CFAP251: variants seen among roughly 807,000 people sequenced by gnomAD.
CFAP251 encodes cilia- and flagella-associated protein 251.
A neutral mutation model predicts 126.7 loss-of-function variants in CFAP251; 93 were observed. The observed-to-expected ratio is 0.73, with a 90% CI of 0.62 to 0.87. The LOEUF (loss-of-function observed/expected upper bound fraction) is 0.87. Ranked by LOEUF, CFAP251 falls within the 40% of genes least tolerant of loss-of-function variation. The pLI is 0.00. For synonymous variants in CFAP251, 503 were observed against 506.9 expected, an observed-to-expected ratio of 0.99 and a Z score of 0.10; for missense variants, 1,287 against 1,389.2, an observed-to-expected ratio of 0.93 and a Z score of 1.17.
chr12:121,968,786 T>A (rs1043263484), intron 17 of CFAP251: 2 of 529,666 alleles, frequency 3.8e-6, no homozygotes, highest in African/African-American at 4.1e-5. Context: ...TTCTGTAGGA[T>A]CCCTGTAAAG....
At chr12:121,982,719 G>C (rs1440072128) in intron 19 of CFAP251, among the ~76,000 whole-genome samples, 1 of 152,114 alleles carries the variant, frequency 6.6e-6, no homozygotes, top group Non-Finnish European at 1.5e-5. Flanking sequence ...TGCTTTGTTG[G>C]TGAGGTGTTT....
In CFAP251 at chr12:122,003,665, C is replaced by T; in HGVS notation, c.3351C>T (p.Cys1117=). Residue 1117 remains cysteine (C), a synonymous_variant, in exon 22 of 22, where the codon TGC becomes TGT. Coordinates refer to ENST00000288912, the MANE Select transcript of CFAP251 (RefSeq NM_144668.6). The part of the protein sequence containing the change: ...ATCSVKGSEI[C]LEEELPDEIT... ...TGTTTTGGCTAGGTTCAGAAATTTG[C>T]CTTGAAGAAGAACTTCCAGACGAAA... 1 of 1,608,602 alleles carries T rather than the reference C, an allele frequency of 6.2e-7. No individual in the cohort carries two copies. Among genetic ancestry groups the T allele is most frequent in the Non-Finnish European group, 8.5e-7 (1 of 1,178,404 alleles).
At chr12:122,001,405 C>T in intron 20 of CFAP251, 92 bp from the exon 21 acceptor site, 1 of 1,170,692 alleles carries the variant, frequency 8.5e-7, no homozygotes, top group Non-Finnish European at 1.3e-6. Flanking sequence ...TGGGATAATT[C>T]TCTTTAAGAC....
At chr12:121,970,159 A>C (rs1333864957) in intron 17 of CFAP251, among the ~76,000 whole-genome samples, 1 of 152,028 alleles carries the variant, frequency 6.6e-6, no homozygotes, top group Non-Finnish European at 1.5e-5. Context: ...TGCTACCATC[A>C]CAGTCTATGG....
At chr12:121,978,349 G>A (rs1197764022) in intron 19 of CFAP251, among the ~76,000 whole-genome samples, 3 of 121,152 alleles carry the variant, frequency 2.5e-5, no homozygotes, top group Non-Finnish European at 4.8e-5. Flanking sequence ...AGCCGAGATC[G>A]TGCCACTGCA....
chr12:121,960,294 G>A (rs1033041790), intron 13 of CFAP251, among the ~76,000 whole-genome samples: 1 of 151,550 alleles, frequency 6.6e-6, no homozygotes, highest in Non-Finnish European at 1.5e-5. Context: ...ATCTTGGCTC[G>A]CTGCAACCTC....
At chr12:121,934,565 A>G (rs1225317331) in intron 5 of CFAP251, among the ~76,000 whole-genome samples, 2 of 152,234 alleles carry the variant, frequency 1.3e-5, no homozygotes, top group Non-Finnish European at 2.9e-5. Context: ...ACAATGAGAA[A>G]CATTACTTCT....
Position 121,991,632 on chromosome 12 carries a change from C to G in CFAP251, c.3007-8084C>G, listed in dbSNP as rs554808706. On this transcript the variant is annotated intron_variant, in intron 19 of 21. Transcript: ENST00000288912. The stretch of plus-strand genomic sequence containing the variant: ...GCCTTTGCCTTCCAGCCATGTTTCT[C>G]AAGCTTGGCTACGCATTCAAATCAT... Among the ~76,000 whole-genome samples, 55 of 152,278 alleles carry G rather than the reference C, an allele frequency of 3.6e-4. No homozygotes were observed. The Middle Eastern group carries it at 0.014, about 38-fold the overall frequency.
chr12:121,966,838 C>T (rs1242939452), intron 15 of CFAP251, 117 bp from the exon 16 acceptor site: 1 of 824,560 alleles, frequency 1.2e-6, no homozygotes, highest in East Asian at 2.5e-5. Flanking sequence ...CCTGCCTTGG[C>T]CTCCCGAAGT....
intron 1 of CFAP251, among the ~76,000 whole-genome samples, chr12:121,920,465 C>T (rs1474298227): frequency 4.0e-5 from 6 of 149,402 alleles, no homozygotes; most frequent in African/African-American, 9.9e-5. Flanking sequence ...GGCACGATCT[C>T]GGCTCACTGC....
chr12:121,941,135 A>G (rs949319420), intron 5 of CFAP251, among the ~76,000 whole-genome samples: 1 of 151,538 alleles, frequency 6.6e-6, no homozygotes, highest in Non-Finnish European at 1.5e-5. Flanking sequence ...GGTTCAAGTG[A>G]TTCTCCTACC....
chr12:121,945,919 G>C (rs926076189), intron 7 of CFAP251, among the ~76,000 whole-genome samples: 2 of 151,800 alleles, frequency 1.3e-5, no homozygotes, highest in African/African-American at 4.8e-5. Context: ...GTCTGCCTTG[G>C]CCTCCCAAAG....
At chr12:121,966,027 A>G (rs1177589) in intron 15 of CFAP251, among the ~76,000 whole-genome samples, 99,226 of 151,506 alleles carry the variant, frequency 0.65, 35,779 homozygotes, top group Non-Finnish European at 0.82. Context: ...ACCCCAAGCA[A>G]TCCTCCCACC....
intron 19 of CFAP251, among the ~76,000 whole-genome samples, chr12:121,976,903 G>A (rs1412975559): frequency 6.6e-6 from 1 of 152,100 alleles, no homozygotes; most frequent in Non-Finnish European, 1.5e-5. Context: ...GCGAGACCCT[G>A]TCTCAAAAAA....
At chr12:121,960,832 A>G (rs916541402) in intron 14 of CFAP251, 74 bp downstream of exon 14, 4 of 1,530,908 alleles carry the variant, frequency 2.6e-6, no homozygotes, top group Non-Finnish European at 2.7e-6. Flanking sequence ...GGCATCTTGC[A>G]TAGAGCCAGG....
rs773405076 is a variant in CFAP251, at chr12:121,968,113, C to T, written c.2715C>T (p.Tyr905=). 117 of 1,613,436 alleles carry T rather than the reference C, an allele frequency of 7.3e-5. No individual in the cohort carries two copies. The highest frequency in any genetic ancestry group is 1.0e-4 in the Admixed American group (6 of 59,990). The change falls in exon 17 of 22, where the codon TAC becomes TAT. Residue 905 remains tyrosine (Y), a synonymous_variant. Coordinates refer to ENST00000288912, the MANE Select transcript of CFAP251 (RefSeq NM_144668.6). The stretch of plus-strand genomic sequence containing the variant: ...TGGCCGTTTCCTATGATGGCTGCTA[C>T]GCCTTCACTGCGGGAGGGCACGATC... The part of the protein sequence containing the change: ...AGMAVSYDGC[Y]AFTAGGHDRS...
chr12:121,944,241 G>A (rs1056491449), intron 7 of CFAP251, among the ~76,000 whole-genome samples: 4 of 152,166 alleles, frequency 2.6e-5, no homozygotes, highest in Admixed American at 6.5e-5. Context: ...CAGAGGGTTT[G>A]GGTGACTAGA....
At position 121,989,425 on chromosome 12, in the gene CFAP251, A is replaced by C. The variant is rs1471528119; in HGVS notation, c.3007-10291A>C. On this transcript the variant is annotated intron_variant, in intron 19 of 21. Transcript: ENST00000288912. This position sits in a 1 kb window ranked among gnomAD's most constrained non-coding sequence, Gnocchi z 4.2. Reference sequence around the variant, plus strand: ...ATGCATGCCCCACTCCTGGAAAAAGAGGCAGTCGCCATCCAGATCTAGTTC... The same window carrying C: ...ATGCATGCCCCACTCCTGGAAAAAGCGGCAGTCGCCATCCAGATCTAGTTC... Among the ~76,000 whole-genome samples the C allele has an allele frequency of 6.6e-6, 1 of 152,228 alleles. No homozygotes were observed. Among genetic ancestry groups the C allele is most frequent in the Non-Finnish European group, 1.5e-5 (1 of 68,034 alleles).
At chr12:121,927,898 G>A (rs1460390952) in intron 3 of CFAP251, among the ~76,000 whole-genome samples, 1 of 152,186 alleles carries the variant, frequency 6.6e-6, no homozygotes, top group Non-Finnish European at 1.5e-5. Context: ...TGACAGCAAA[G>A]TTTTATTTTC....
Sources: allele counts gnomAD v4.1 joint callset (sites outside exome capture counted in the v4.1 genomes callset), GRCh38; gene constraint gnomAD v4.1.1; non-coding constraint Gnocchi (gnomAD v3.1); transcripts MANE v1.5; gene names NCBI Gene and HGNC (gene_info 2026-07-23, HGNC 2026-07-21).